DENND6A: variants seen among roughly 807,000 people sequenced by gnomAD.
The protein encoded by DENND6A is DENN domain containing 6A, also known as protein DENND6A.
Under a neutral mutation model 95.5 loss-of-function variants are expected in DENND6A, and 43 were observed. The observed-to-expected ratio is 0.45, with a 90% CI of 0.35 to 0.58. The LOEUF is 0.58. Ranked by LOEUF, DENND6A falls within the 20% of genes least tolerant of loss-of-function variation. The probability of loss-of-function intolerance (pLI) is 0.00; values close to 1 mark genes in which losing one functional copy is unlikely to be tolerated. For synonymous variants in DENND6A, 257 were observed against 260.4 expected (o/e 0.99, Z 0.13); for missense variants, 574 against 736.0 (o/e 0.78, Z 2.55).
chr3:57,659,378 A>G (rs1349422190), intron 7 of DENND6A, among the ~76,000 whole-genome samples, 198 bp from the exon 8 acceptor site: 1 of 151,766 alleles, frequency 6.6e-6, no homozygotes, highest in African/African-American at 2.4e-5. Flanking sequence ...CTCCATACCC[A>G]CACACACACA....
intron 9 of DENND6A, among the ~76,000 whole-genome samples, chr3:57,649,141 A>G (rs547336089): frequency 1.3e-5 from 2 of 152,244 alleles, no homozygotes. Context: ...AGAATCTATA[A>G]GGAACTTAAA....
At chr3:57,656,014 T>G (rs1014796151) in intron 9 of DENND6A, among the ~76,000 whole-genome samples, 51 of 152,256 alleles carry the variant, frequency 3.3e-4, no homozygotes, top group African/African-American at 1.2e-3. Context: ...TTATTCATTT[T>G]GGGGACACTC....
At chr3:57,646,208 T>A in intron 10 of DENND6A, 108 bp downstream of exon 10, 1 of 1,446,626 alleles carries the variant, frequency 6.9e-7, no homozygotes. Flanking sequence ...AATGCAATAA[T>A]GGGTGGGGAA....
intron 3 of DENND6A, among the ~76,000 whole-genome samples, chr3:57,668,031 C>T (rs1408541327): frequency 1.3e-5 from 2 of 152,054 alleles, no homozygotes; most frequent in African/African-American, 2.4e-5. Flanking sequence ...ACACCACTAC[C>T]TCCAGCCTGG....
chr3:57,659,376 C>CCA (rs140940190), intron 7 of DENND6A, among the ~76,000 whole-genome samples, 196 bp from the exon 8 acceptor site: 5 of 151,696 alleles, frequency 3.3e-5, no homozygotes, highest in East Asian at 1.9e-4. Flanking sequence ...GTCTCCATAC[C>CCA]CACACACACA....
At chr3:57,633,506 T>C in intron 14 of DENND6A, 152 bp from the exon 15 acceptor site, 2 of 675,624 alleles carry the variant, frequency 3.0e-6, no homozygotes, top group Non-Finnish European at 5.0e-6. Flanking sequence ...GTGAAGTTCA[T>C]TGTGCAATAT....
At chr3:57,668,332 A>G (rs1383047750) in intron 3 of DENND6A, among the ~76,000 whole-genome samples, 2 of 152,182 alleles carry the variant, frequency 1.3e-5, no homozygotes, top group African/African-American at 4.8e-5. Context: ...ATCCAGAACA[A>G]GGAGGATTAA....
At chr3:57,658,005 G>A (rs371522457) in intron 8 of DENND6A, among the ~76,000 whole-genome samples, 12 of 152,260 alleles carry the variant, frequency 7.9e-5, no homozygotes, top group African/African-American at 2.9e-4. Context: ...GGTAGGACAA[G>A]GCGGGCGGAT....
intron 1 of DENND6A, among the ~76,000 whole-genome samples, chr3:57,675,452 G>C (rs2071693205): frequency 6.6e-6 from 1 of 152,170 alleles, no homozygotes; most frequent in Non-Finnish European, 1.5e-5. Context: ...TAACTACTTA[G>C]TTATTAGTAA....
At chr3:57,650,237 T>C (rs1307628008) in intron 9 of DENND6A, among the ~76,000 whole-genome samples, 1 of 151,342 alleles carries the variant, frequency 6.6e-6, no homozygotes, top group African/African-American at 2.4e-5. Context: ...AAATCATCAC[T>C]AAAGAACTTA....
intron 12 of DENND6A, among the ~76,000 whole-genome samples, chr3:57,640,208 G>A (rs1461634702): frequency 1.3e-5 from 2 of 150,646 alleles, no homozygotes; most frequent in Non-Finnish European, 3.0e-5. Flanking sequence ...AGCAGAGATT[G>A]CAGTGAGCCG....
chr3:57,625,537 A>AAGGC lies in DENND6A; in HGVS notation c.*2673_*2676dup, dbSNP rs2070510523. ...AAAACCTCTTTTTCACTGTAAATAG[A>AAGGC]AGGCACTAGGCATTACATAATACCC... On this transcript the variant is annotated 3_prime_UTR_variant, in exon 20 of 20. Coordinates refer to ENST00000311128, the MANE Select transcript of DENND6A (RefSeq NM_152678.3). The AAGGC allele has an allele frequency of 6.6e-6, 1 of 152,608 alleles. No homozygotes were observed. The highest frequency in any genetic ancestry group is 1.5e-5 in the Non-Finnish European group (1 of 68,040). The allele number at this position is 152,608 out of a possible 1,614,324, so 9.5% of individuals were successfully genotyped here.
At position 57,646,307 on chromosome 3, in the gene DENND6A, T is replaced by C. The variant is rs1326740265; in HGVS notation, c.941+9A>G. Reference sequence around the variant, plus strand: ...AAAAAACCCAGAAATAGTAACCAAATAGACTCACTTAACAAGTGCCAATAC... The same window carrying C: ...AAAAAACCCAGAAATAGTAACCAAACAGACTCACTTAACAAGTGCCAATAC... On this transcript the variant is annotated intron_variant, in intron 10 of 19. Coordinates refer to ENST00000311128, the MANE Select transcript of DENND6A (RefSeq NM_152678.3). The C allele has an allele frequency of 3.8e-6, 6 of 1,598,576 alleles. No individual in the cohort carries two copies. Among genetic ancestry groups the C allele is most frequent in the African/African-American group, 2.7e-5 (2 of 73,628 alleles).
intron 18 of DENND6A, among the ~76,000 whole-genome samples, chr3:57,629,827 A>G (rs1471767306): frequency 2.0e-5 from 3 of 152,026 alleles, no homozygotes; most frequent in Admixed American, 6.6e-5. Flanking sequence ...CGGCCAGTCC[A>G]CATTTCTAAA....
chr3:57,654,580 T>C (rs1308819244), intron 9 of DENND6A: 7 of 942,860 alleles, frequency 7.4e-6, no homozygotes, highest in Non-Finnish European at 8.8e-6. Context: ...TCAAGTAAAA[T>C]GTCCCTGACT....
intron 1 of DENND6A, among the ~76,000 whole-genome samples, chr3:57,680,738 G>A (rs1242593404): frequency 6.6e-6 from 1 of 152,024 alleles, no homozygotes; most frequent in African/African-American, 2.4e-5. Context: ...TTTCAAATGG[G>A]CACAAATGTT....
intron 18 of DENND6A, 23 bp downstream of exon 18, chr3:57,630,398 A>T: frequency 6.4e-7 from 1 of 1,554,822 alleles, no homozygotes; most frequent in Non-Finnish European, 8.7e-7. Flanking sequence ...GTTAATCATT[A>T]CACAAACACA....
In DENND6A at chr3:57,690,691, A is replaced by C. The variant is rs2077256183; in HGVS notation, c.237+2091T>G. ...AAAGTTAGACTCTGTCTTTAAAAAAAAAAAAAAAAATCAGAGAAGGGGAAG... is the reference window on the plus strand; with the variant it reads ...AAAGTTAGACTCTGTCTTTAAAAAACAAAAAAAAAATCAGAGAAGGGGAAG... On this transcript the variant is annotated intron_variant, in intron 1 of 19. Coordinates refer to ENST00000311128, the MANE Select transcript of DENND6A (RefSeq NM_152678.3). Among the ~76,000 whole-genome samples the C allele has an allele frequency of 2.0e-5, 3 of 151,926 alleles. No individual in the cohort carries two copies. The South Asian group carries it at 6.2e-4, about 32-fold the overall frequency.
At chr3:57,684,151 C>CA (rs35147242) in intron 1 of DENND6A, among the ~76,000 whole-genome samples, 53,123 of 79,130 alleles carry the variant, frequency 0.67, 18,953 homozygotes, top group African/African-American at 0.77. Flanking sequence ...GACTCCGTCT[C>CA]AAAAAAAAAA....
Sources: allele counts gnomAD v4.1 joint callset (sites outside exome capture counted in the v4.1 genomes callset), GRCh38; gene constraint gnomAD v4.1.1; transcripts MANE v1.5; gene names NCBI Gene and HGNC (gene_info 2026-07-23, HGNC 2026-07-21).